Variants in ADAMTSL3 observed in about 807,000 individuals in gnomAD.
The protein encoded by ADAMTSL3 is ADAMTS like 3.
In ADAMTSL3, 128 loss-of-function variants were observed where a neutral mutation model predicts 201.7. That is an observed-to-expected ratio of 0.63 (90% CI 0.55 to 0.73). The LOEUF (loss-of-function observed/expected upper bound fraction) is 0.73. Among genes scored for constraint, ADAMTSL3 ranks in the 30% least tolerant of loss-of-function variants. ADAMTSL3 has a pLI of 0.00. For missense variants in ADAMTSL3, 1,990 were observed against 2,119.6 expected, an observed-to-expected ratio of 0.94 and a Z score of 1.20; for synonymous variants, 738 against 748.4, an observed-to-expected ratio of 0.99 and a Z score of 0.23.
chr15:83,674,337 G>C (rs958458435), intron 2 of ADAMTSL3, among the ~76,000 whole-genome samples: 4 of 151,976 alleles, frequency 2.6e-5, no homozygotes, highest in Admixed American at 2.6e-4. Flanking sequence ...TTTTGCCTAT[G>C]ATGTCCAATT....
At chr15:83,716,380 G>T (rs1410614996) in intron 3 of ADAMTSL3, among the ~76,000 whole-genome samples, 1 of 151,798 alleles carries the variant, frequency 6.6e-6, no homozygotes, top group Non-Finnish European at 1.5e-5. Context: ...AGCTAGGCAT[G>T]GCGGCAGGCG....
intron 19 of ADAMTSL3, among the ~76,000 whole-genome samples, chr15:83,948,913 A>G (rs1243445157): frequency 6.6e-6 from 1 of 152,154 alleles, no homozygotes; most frequent in Admixed American, 6.6e-5. Flanking sequence ...TTTATGGGGT[A>G]CATGAGATAC....
At chr15:83,859,892 G>A (rs2141779780) in intron 8 of ADAMTSL3, among the ~76,000 whole-genome samples, 1 of 152,296 alleles carries the variant, frequency 6.6e-6, no homozygotes, top group South Asian at 2.1e-4. Flanking sequence ...GCTGGGTGTG[G>A]TGGTTCACGC....
intron 2 of ADAMTSL3, among the ~76,000 whole-genome samples, chr15:83,666,125 A>G (rs1179055158): frequency 6.6e-6 from 1 of 152,216 alleles, no homozygotes; most frequent in African/African-American, 2.4e-5. Flanking sequence ...ACAAATATGT[A>G]TCTTTTAAAC....
chr15:84,008,523 G>A lies in ADAMTSL3; in HGVS notation c.3974-6019G>A, dbSNP rs548102736. On this transcript the variant is annotated intron_variant, in intron 23 of 29. Transcript: ENST00000286744. ...TCTACCTACCATAGTATCTGTTCCT[G>A]TGTAGCCTCCTTTGTCCCACCTCTT... is the stretch of plus-strand genomic sequence containing the variant. Among the ~76,000 whole-genome samples, 22 of 152,248 alleles carry A rather than the reference G, an allele frequency of 1.4e-4. 2 individuals are homozygous for A. The South Asian group carries it at 4.6e-3, about 32-fold the overall frequency.
At chr15:83,694,745 A>G (rs2061657275) in intron 2 of ADAMTSL3, among the ~76,000 whole-genome samples, 1 of 152,188 alleles carries the variant, frequency 6.6e-6, no homozygotes, top group African/African-American at 2.4e-5. Flanking sequence ...TCTGTGGTGC[A>G]GAGAATATTC....
intron 3 of ADAMTSL3, among the ~76,000 whole-genome samples, chr15:83,716,592 G>A (rs1249674719): frequency 6.8e-6 from 1 of 147,648 alleles, no homozygotes; most frequent in African/African-American, 2.5e-5. Flanking sequence ...ATAATAAAGA[G>A]CCTATCTTTA....
chr15:83,660,824 G>A (rs1198739245), intron 2 of ADAMTSL3, among the ~76,000 whole-genome samples: 2 of 151,608 alleles, frequency 1.3e-5, no homozygotes, highest in African/African-American at 4.9e-5. Flanking sequence ...TGTTGCCATT[G>A]CTTTTGGTGT....
Position 83,773,579 on chromosome 15 carries a change from C to T in ADAMTSL3, c.246C>T (p.Gly82=), listed in dbSNP as rs531600784. 88 of 1,613,778 alleles carry T rather than the reference C, an allele frequency of 5.5e-5. No individual in the cohort carries two copies. The highest frequency in any genetic ancestry group is 1.6e-4 in the East Asian group (7 of 44,862). Residue 82 remains glycine (G), a synonymous_variant, in exon 4 of 30, where the codon GGC becomes GGT. Transcript: ENST00000286744. The part of the protein sequence containing the change: ...EDKDGNWDAW[G]DWSDCSRTCG... ...AAGATGGCAACTGGGATGCTTGGGG[C>T]GACTGGAGTGACTGCTCCCGGACCT...
At chr15:83,908,159 T>C (rs2065873750) in intron 15 of ADAMTSL3, among the ~76,000 whole-genome samples, 1 of 152,264 alleles carries the variant, frequency 6.6e-6, no homozygotes, top group Admixed American at 6.5e-5. Flanking sequence ...ATTCATATGC[T>C]GTCATCCTGG....
intron 4 of ADAMTSL3, among the ~76,000 whole-genome samples, chr15:83,799,974 CT>C (rs1323273728): frequency 1.3e-4 from 20 of 152,158 alleles, no homozygotes; most frequent in African/African-American, 4.8e-4. Context: ...CATTTTATGT[CT>C]GTTTCATAAA....
Position 83,892,823 on chromosome 15 carries a change from C to T in ADAMTSL3, c.1402C>T (p.Pro468Ser), listed in dbSNP as rs529481133. ...ATGGAAGTGCATGTACGCACCCAAACCCAAGGTTATGCAAACTTGTAATCT... is the reference window on the plus strand; with the variant it reads ...ATGGAAGTGCATGTACGCACCCAAATCCAAGGTTATGCAAACTTGTAATCT... ...EEWKCMYAPK[P>S]KVMQTCNLFD... Residue 468 changes from proline to serine, a missense_variant, in exon 13 of 30, where the codon CCC becomes TCC. Coordinates refer to ENST00000286744, the MANE Select transcript of ADAMTSL3 (RefSeq NM_207517.3). 2.8e-5 allele frequency: 45 copies of T among 1,613,950 alleles called. No individual in the cohort carries two copies. The highest frequency in any genetic ancestry group is 3.6e-5 in the Non-Finnish European group (42 of 1,180,010).
At position 83,838,138 on chromosome 15, in the gene ADAMTSL3, G is replaced by T; in HGVS notation, c.650G>T (p.Cys217Phe). 1 of 1,613,464 alleles carries T rather than the reference G, an allele frequency of 6.2e-7. No homozygotes were observed. Among genetic ancestry groups the T allele is most frequent in the Non-Finnish European group, 8.5e-7 (1 of 1,179,768 alleles). Residue 217 changes from cysteine (C) to phenylalanine (F), a missense_variant, in exon 7 of 30, where the codon TGT (cysteine) becomes TTT (phenylalanine). Coordinates refer to ENST00000286744, the MANE Select transcript of ADAMTSL3 (RefSeq NM_207517.3). The part of the protein sequence containing the change: ...QLGSNAKEDN[C>F]GVCAGDGSTC... The stretch of plus-strand genomic sequence containing the variant: ...GGAAGCAATGCCAAGGAGGACAACT[G>T]TGGAGTCTGTGCCGGCGATGGCTCC...
At chr15:83,977,505 G>A (rs2067307807) in intron 20 of ADAMTSL3, among the ~76,000 whole-genome samples, 1 of 152,116 alleles carries the variant, frequency 6.6e-6, no homozygotes, top group Non-Finnish European at 1.5e-5. Flanking sequence ...AAAGCATAGA[G>A]CAAGAGAGAT....
At chr15:83,695,047 T>G (rs1020520500) in intron 2 of ADAMTSL3, among the ~76,000 whole-genome samples, 1 of 151,368 alleles carries the variant, frequency 6.6e-6, no homozygotes, top group African/African-American at 2.4e-5. Flanking sequence ...GTATATGTAT[T>G]TGGAGTATTT....
At chr15:83,706,181 A>T (rs901507324) in intron 3 of ADAMTSL3, among the ~76,000 whole-genome samples, 1 of 152,224 alleles carries the variant, frequency 6.6e-6, no homozygotes, top group African/African-American at 2.4e-5. Flanking sequence ...CGTAAAGGAT[A>T]AAAGCGGGTG....
rs111465362 is a variant in ADAMTSL3 at position 83,773,083 on chromosome 15, C to CT, written c.190-431dup. Among the ~76,000 whole-genome samples the CT allele has an allele frequency of 3.3e-3, 499 of 151,628 alleles. 2 individuals carry two copies. Among genetic ancestry groups the CT allele is most frequent in the Middle Eastern group, 6.8e-3 (2 of 294 alleles). ...TCAACTGCTTTTCATATAAACCTGT[C>CT]TTTTTTTTTCATGCAGTCATTCCAA... On this transcript the variant is annotated intron_variant, in intron 3 of 29. Coordinates refer to ENST00000286744, the MANE Select transcript of ADAMTSL3 (RefSeq NM_207517.3).
chr15:83,956,679 GCA>G (rs34711242), intron 19 of ADAMTSL3, among the ~76,000 whole-genome samples: 21,058 of 148,322 alleles, frequency 0.14, 1,829 homozygotes, highest in Middle Eastern at 0.34. Context: ...CACCGCACAG[GCA>G]CACACACACA....
At chr15:83,727,144 T>C (rs921665981) in intron 3 of ADAMTSL3, among the ~76,000 whole-genome samples, 1 of 132,728 alleles carries the variant, frequency 7.5e-6, no homozygotes, top group Admixed American at 8.1e-5. Context: ...TCTAGGAATT[T>C]ATCCATTTTT....
Sources: gnomAD v4.1 joint callset for allele counts (sites outside exome capture counted in the v4.1 genomes callset) on GRCh38, gnomAD v4.1.1 for gene constraint, MANE v1.5 for transcripts, NCBI Gene and HGNC (gene_info 2026-07-23, HGNC 2026-07-21) for gene names.